Variants in PALLD observed in about 807,000 individuals in gnomAD.
PALLD encodes palladin.
A neutral mutation model predicts 123.5 loss-of-function variants in PALLD; 61 were observed. The ratio of observed to expected loss-of-function variants is 0.49; its 90% CI spans 0.40 to 0.61. The LOEUF is 0.61. Among genes scored for constraint, PALLD ranks in the 20% least tolerant of loss-of-function variants. The probability of loss-of-function intolerance (pLI) is 0.00; values close to 1 mark genes in which losing one functional copy is unlikely to be tolerated. For missense variants in PALLD, 1,273 were observed against 1,377.0 expected (o/e 0.92, Z 1.20); for synonymous variants, 465 against 496.4 (o/e 0.94, Z 0.84).
chr4:168,724,845 A>G (rs1376413017), intron 10 of PALLD, among the ~76,000 whole-genome samples: 1 of 152,206 alleles, frequency 6.6e-6, no homozygotes, highest in Non-Finnish European at 1.5e-5. Context: ...ATGAGGATGC[A>G]CACTCACTGC....
At chr4:168,744,335 A>G (rs1388005017) in intron 10 of PALLD, among the ~76,000 whole-genome samples, 1 of 152,208 alleles carries the variant, frequency 6.6e-6, no homozygotes, top group Non-Finnish European at 1.5e-5. Flanking sequence ...CAGTGAGACT[A>G]AAGTATCTCT....
intron 2 of PALLD, among the ~76,000 whole-genome samples, chr4:168,593,667 A>C (rs1314401647): frequency 6.6e-6 from 1 of 152,110 alleles, no homozygotes; most frequent in Non-Finnish European, 1.5e-5. Context: ...CCACTCCAAC[A>C]AATACAGGAA....
intron 2 of PALLD, among the ~76,000 whole-genome samples, chr4:168,590,837 G>T (rs1458643020): frequency 7.0e-6 from 1 of 142,104 alleles, no homozygotes; most frequent in Non-Finnish European, 1.5e-5. Flanking sequence ...AGAGTATGCC[G>T]TCTTTACTCA....
chr4:168,865,372 G>A (rs923449822), intron 10 of PALLD, among the ~76,000 whole-genome samples: 4 of 152,320 alleles, frequency 2.6e-5, no homozygotes, highest in East Asian at 1.9e-4. Flanking sequence ...TGGGAAGGGA[G>A]TCTGGTGATC....
At chr4:168,792,094 A>G (rs920769551) in intron 10 of PALLD, among the ~76,000 whole-genome samples, 1 of 152,126 alleles carries the variant, frequency 6.6e-6, no homozygotes, top group African/African-American at 2.4e-5. Context: ...CATAGCTACA[A>G]TTTTGTGTAG....
chr4:168,551,638 A>G (rs1766736014), intron 2 of PALLD, among the ~76,000 whole-genome samples: 1 of 152,210 alleles, frequency 6.6e-6, no homozygotes, highest in Admixed American at 6.5e-5. Flanking sequence ...AGTTTAGAAT[A>G]AAAATGATGT....
At chr4:168,685,899 T>G (rs1781999023) in intron 6 of PALLD, among the ~76,000 whole-genome samples, 1 of 150,408 alleles carries the variant, frequency 6.6e-6, no homozygotes, top group South Asian at 2.1e-4. Context: ...AAAAACTGAC[T>G]AATTTTCCAT....
chr4:168,772,089 G>A lies in PALLD; in HGVS notation c.1964+60166G>A, dbSNP rs1561506483. The stretch of plus-strand genomic sequence containing the variant: ...GTAGGGTTAATAATACTTAGTATGT[G>A]CCTAGCATTCAACACTCACAACAGC... On this transcript the variant is annotated intron_variant, in intron 10 of 21. Coordinates refer to ENST00000505667, the MANE Select transcript of PALLD (RefSeq NM_001166108.2). 2.6e-5 allele frequency among the ~76,000 whole-genome samples: 4 copies of A among 152,194 alleles called. No homozygotes were observed. The East Asian group carries it at 5.8e-4, about 22-fold the overall frequency.
chr4:168,809,538 A>G (rs184494916), intron 10 of PALLD, among the ~76,000 whole-genome samples: 26 of 152,276 alleles, frequency 1.7e-4, no homozygotes, highest in Middle Eastern at 3.4e-3. Context: ...GGAGGGCTAA[A>G]GACAGACTCT....
chr4:168,719,604 C>T (rs1198307778), intron 10 of PALLD, among the ~76,000 whole-genome samples: 2 of 152,056 alleles, frequency 1.3e-5, no homozygotes, highest in African/African-American at 4.8e-5. Context: ...ATTTTAGGTT[C>T]GGGGATACAT....
intron 1 of PALLD, among the ~76,000 whole-genome samples, chr4:168,508,326 C>T (rs1210758053): frequency 4.6e-5 from 7 of 152,002 alleles, no homozygotes; most frequent in Admixed American, 4.6e-4. Context: ...ATTATATAAG[C>T]TTATTATTTA....
At chr4:168,822,500 A>G (rs111429437) in intron 10 of PALLD, among the ~76,000 whole-genome samples, 14 of 152,298 alleles carry the variant, frequency 9.2e-5, no homozygotes, top group African/African-American at 3.4e-4. Flanking sequence ...AGAAGTTGGA[A>G]TCACATATTC....
At chr4:168,896,721 GTGTC>G in intron 13 of PALLD, 122 bp downstream of exon 13, 1 of 640,258 alleles carries the variant, frequency 1.6e-6, no homozygotes, top group East Asian at 3.0e-5. Context: ...GCTATGACCA[GTGTC>G]TGTTTCATTT....
chr4:168,722,564 G>A (rs1331483860), intron 10 of PALLD, among the ~76,000 whole-genome samples: 3 of 152,158 alleles, frequency 2.0e-5, no homozygotes, highest in Admixed American at 2.0e-4. Context: ...GGTAACTGTG[G>A]GTAATATTAC....
chr4:168,718,535 C>A lies in PALLD; in HGVS notation c.1964+6612C>A, dbSNP rs1172430568. Among the ~76,000 whole-genome samples the A allele has an allele frequency of 2.0e-5, 3 of 152,092 alleles. No homozygotes were observed. The East Asian group carries it at 5.8e-4, about 29-fold the overall frequency. On this transcript the variant is annotated intron_variant, in intron 10 of 21. Coordinates refer to ENST00000505667, the MANE Select transcript of PALLD (RefSeq NM_001166108.2). ...TGTTCAGTTAGCTAGCCATTACTTT[C>A]ATTTCTTTTCAACTTAAATTTGTTT...
At position 168,927,972 on chromosome 4, in the gene PALLD, T is replaced by A. The variant is rs186567215; in HGVS notation, c.*1792T>A. On this transcript the variant is annotated 3_prime_UTR_variant, in exon 22 of 22. Transcript: ENST00000505667. ...TACTCAATTCATACGTAGTATTTTT[T>A]AAAATAATTTTATATCTGTGTACCA... The A allele has an allele frequency of 8.7e-4, 170 of 196,074 alleles. No individual in the cohort carries two copies. In the Middle Eastern group the frequency reaches 9.0e-3, roughly 10 times the overall value. 12.1% of individuals were successfully genotyped at this position (196,074 alleles called of 1,614,324 possible).
intron 10 of PALLD, among the ~76,000 whole-genome samples, chr4:168,773,209 T>C (rs1734690898): frequency 6.6e-6 from 1 of 152,192 alleles, no homozygotes; most frequent in African/African-American, 2.4e-5. Context: ...ATTGTTGTCT[T>C]AAAGTGAATA....
At chr4:168,655,321 T>C (rs1450136622) in intron 2 of PALLD, among the ~76,000 whole-genome samples, 2 of 152,366 alleles carry the variant, frequency 1.3e-5, no homozygotes, top group East Asian at 3.9e-4. Flanking sequence ...TCCATTTCTG[T>C]ACATACAATT....
At chr4:168,884,727 C>G (rs1753100986) in intron 10 of PALLD, among the ~76,000 whole-genome samples, 1 of 152,208 alleles carries the variant, frequency 6.6e-6, no homozygotes, top group African/African-American at 2.4e-5. Context: ...TTTGCACATT[C>G]TTGTAAATTC....
Sources: gnomAD v4.1 joint callset for allele counts (sites outside exome capture counted in the v4.1 genomes callset) on GRCh38, gnomAD v4.1.1 for gene constraint, MANE v1.5 for transcripts, NCBI Gene and HGNC (gene_info 2026-07-23, HGNC 2026-07-21) for gene names.